CFAP77: variants seen among roughly 807,000 people sequenced by gnomAD.
The protein encoded by CFAP77 is cilia- and flagella-associated protein 77.
In CFAP77, 25 loss-of-function variants were observed where a neutral mutation model predicts 31.1. That is an observed-to-expected ratio of 0.80 (90% confidence interval 0.59 to 1.12). CFAP77 has a LOEUF of 1.12. Ranked by LOEUF, CFAP77 falls within the 50% of genes most tolerant of loss-of-function variation. The pLI is 0.00. For synonymous variants in CFAP77, 151 were observed against 159.9 expected (o/e 0.94, Z 0.42); for missense variants, 377 against 397.3 (o/e 0.95, Z 0.44).
rs200753975 is a variant in CFAP77 at position 132,537,606 on chromosome 9, C to T, written c.530C>T (p.Ser177Phe). ...TCTGGACTTCTTCCCTCCAGGCCTT[C>T]CACACCCTTCTTTGATCTGCTGCAG... is the stretch of plus-strand genomic sequence containing the variant. Reference protein sequence around the residue: ...NMTFGIRARPSTPFFDLLQHR... With the variant: ...NMTFGIRARPFTPFFDLLQHR... Residue 177 changes from serine (S) to phenylalanine (F), a missense_variant, in exon 4 of 6, where the codon TCC becomes TTC. Physicochemically the swap from Ser to Phe is radical, Grantham distance 155. Coordinates refer to ENST00000393216, the MANE Select transcript of CFAP77 (RefSeq NM_001282957.2). 3.6e-5 allele frequency: 58 copies of T among 1,611,540 alleles called. No homozygotes were observed. The highest frequency in any genetic ancestry group is 2.8e-5 in the Non-Finnish European group (33 of 1,178,806).
At chr9:132,548,898 A>C (rs143098954) in intron 5 of CFAP77, among the ~76,000 whole-genome samples, 3 of 152,246 alleles carry the variant, frequency 2.0e-5, no homozygotes, top group Non-Finnish European at 2.9e-5. Context: ...TTTGATTTAC[A>C]AGCTTTTGTG....
chr9:132,455,516 C>CA lies in CFAP77; in HGVS notation c.196-43172dup, dbSNP rs1326787448. Among the ~76,000 whole-genome samples, 8 of 149,454 alleles carry CA rather than the reference C, an allele frequency of 5.4e-5. No individual in the cohort carries two copies. The South Asian group carries it at 1.7e-3, about 32-fold the overall frequency. ...GAGCGAGACTCCTGAAAAAAAAAAA[C>CA]AAAAAAACTTCGAGACCAGCCTGGG... On this transcript the variant is annotated intron_variant, in intron 1 of 5. Transcript: ENST00000393216. This position sits in a 1 kb window ranked among gnomAD's most constrained non-coding sequence, Gnocchi z 4.1.
intron 1 of CFAP77, among the ~76,000 whole-genome samples, chr9:132,435,077 G>GC (rs1434005064): frequency 6.6e-6 from 1 of 152,158 alleles, no homozygotes; most frequent in Non-Finnish European, 1.5e-5. Flanking sequence ...CCTTTCTTCC[G>GC]CCGCCTTGGA....
At chr9:132,518,082 A>G (rs1032139747) in intron 3 of CFAP77, among the ~76,000 whole-genome samples, 6 of 152,114 alleles carry the variant, frequency 3.9e-5, no homozygotes, top group Non-Finnish European at 8.8e-5. Flanking sequence ...AGCTCTTAGC[A>G]GGGGCCCTGT....
chr9:132,438,541 A>ATATATTT, intron 1 of CFAP77, among the ~76,000 whole-genome samples: 4 of 108,126 alleles, frequency 3.7e-5, no homozygotes, highest in East Asian at 2.3e-4. Flanking sequence ...ATATATATAT[A>ATATATTT]TTTTTTTTTT....
At chr9:132,462,826 AT>A (rs796512067) in intron 1 of CFAP77, among the ~76,000 whole-genome samples, 217 of 151,484 alleles carry the variant, frequency 1.4e-3, no homozygotes, top group South Asian at 4.4e-3. Flanking sequence ...CAAAATAAAA[AT>A]AAAATAAAAT....
In CFAP77 at chr9:132,511,378, G is replaced by A. The variant is rs1852036006; in HGVS notation, c.524+11778G>A. On this transcript the variant is annotated intron_variant, in intron 3 of 5. Transcript: ENST00000393216. This position sits in a 1 kb window ranked among gnomAD's most constrained non-coding sequence, Gnocchi z 5.8. ...CTCACCGTCCTTCAGACACTCCTGT[G>A]TCTCTTGCCTGGAGAGGCCACCCTG... Among the ~76,000 whole-genome samples the A allele has an allele frequency of 6.6e-6, 1 of 152,186 alleles. No homozygotes were observed. The highest frequency in any genetic ancestry group is 1.5e-5 in the Non-Finnish European group (1 of 68,034).
At chr9:132,558,565 C>T (rs960933617) in intron 5 of CFAP77, among the ~76,000 whole-genome samples, 3 of 151,696 alleles carry the variant, frequency 2.0e-5, no homozygotes, top group Admixed American at 6.6e-5. Flanking sequence ...ATCAGCCAGG[C>T]GTGGTGGCAG....
At position 132,559,346 on chromosome 9, in the gene CFAP77, C is replaced by CAAAAAAAAAAAAAA. The variant is rs35737685; in HGVS notation, c.733-13035_733-13022dup. Among the ~76,000 whole-genome samples the CAAAAAAAAAAAAAA allele has an allele frequency of 5.2e-4, 29 of 56,084 alleles. 2 individuals carry two copies. Among genetic ancestry groups the CAAAAAAAAAAAAAA allele is most frequent in the African/African-American group, 1.5e-3 (18 of 12,218 alleles). 36.8% of individuals were successfully genotyped at this position (56,084 alleles called of 152,430 possible). On this transcript the variant is annotated intron_variant, in intron 5 of 5. Transcript: ENST00000393216. Reference sequence around the variant, plus strand: ...CGCGTCAGAGTGAGACTCTGTCTTGCAAAAAAAAAAAAAAAAAAAAGGCAA... The same window carrying CAAAAAAAAAAAAAA: ...CGCGTCAGAGTGAGACTCTGTCTTGCAAAAAAAAAAAAAAAAAAAAAAAAAAAAAAAAAAGGCAA...
intron 3 of CFAP77, among the ~76,000 whole-genome samples, chr9:132,519,248 A>T (rs185546175): frequency 1.3e-4 from 15 of 119,544 alleles, no homozygotes; most frequent in Admixed American, 1.2e-3. Context: ...GGATGGATGG[A>T]TAGGTGGATG....
chr9:132,465,792 G>T (rs2131730470), intron 1 of CFAP77, among the ~76,000 whole-genome samples: 1 of 152,308 alleles, frequency 6.6e-6, no homozygotes, highest in East Asian at 1.9e-4. Context: ...GCAATTCTCT[G>T]CTCCTTGTCC....
intron 5 of CFAP77, among the ~76,000 whole-genome samples, chr9:132,562,756 G>A (rs967075716): frequency 5.3e-5 from 8 of 151,838 alleles, no homozygotes; most frequent in African/African-American, 1.9e-4. Flanking sequence ...CTGGAGTGCA[G>A]TGGCACAATC....
intron 5 of CFAP77, among the ~76,000 whole-genome samples, chr9:132,556,658 C>T (rs1370213135): frequency 6.6e-6 from 1 of 152,214 alleles, no homozygotes; most frequent in African/African-American, 2.4e-5. Flanking sequence ...CCTCACCTGG[C>T]CCCGCGGTGC....
chr9:132,501,749 A>G lies in CFAP77; in HGVS notation c.524+2149A>G, dbSNP rs1851848395. On this transcript the variant is annotated intron_variant, in intron 3 of 5. Coordinates refer to ENST00000393216, the MANE Select transcript of CFAP77 (RefSeq NM_001282957.2). The surrounding 1 kb of genome is among the most constrained non-coding windows in gnomAD (Gnocchi z 4.6). ...CCACTGTGGTCAGGGCTGAGACGCC[A>G]GGCCTGGGTCATGTGTCTGCCTCAG... Among the ~76,000 whole-genome samples, 1 of 152,238 alleles carries G rather than the reference A, an allele frequency of 6.6e-6. No homozygotes were observed. The highest frequency in any genetic ancestry group is 1.5e-5 in the Non-Finnish European group (1 of 68,038).
At position 132,565,640 on chromosome 9, in the gene CFAP77, A is replaced by T. The variant is rs2119107615; in HGVS notation, c.733-6748A>T. Among the ~76,000 whole-genome samples, 1 of 152,216 alleles carries T rather than the reference A, an allele frequency of 6.6e-6. No homozygotes were observed. The highest frequency in any genetic ancestry group is 2.4e-5 in the African/African-American group (1 of 41,554). The stretch of plus-strand genomic sequence containing the variant: ...GAATGAAACCCCTTCTTAAAAAAAA[A>T]AAGAAGATAGCTCTTGTCTAAATGT... On this transcript the variant is annotated intron_variant, in intron 5 of 5. Transcript: ENST00000393216. This position sits in a 1 kb window ranked among gnomAD's most constrained non-coding sequence, Gnocchi z 4.1.
At chr9:132,415,512 G>A (rs1321655891) in intron 1 of CFAP77, among the ~76,000 whole-genome samples, 3 of 152,322 alleles carry the variant, frequency 2.0e-5, no homozygotes, top group Admixed American at 6.5e-5. Context: ...GCTTTGAAGC[G>A]TTAATTAAGC....
intron 5 of CFAP77, among the ~76,000 whole-genome samples, chr9:132,557,342 C>G (rs895169386): frequency 1.3e-5 from 2 of 152,178 alleles, no homozygotes; most frequent in African/African-American, 4.8e-5. Flanking sequence ...CCCGGCCTCC[C>G]GGTGGAACCA....
chr9:132,436,248 G>A (rs1300501730), intron 1 of CFAP77, among the ~76,000 whole-genome samples: 1 of 152,118 alleles, frequency 6.6e-6, no homozygotes, highest in Non-Finnish European at 1.5e-5. Context: ...GTGGCTCCAG[G>A]TGTTCTTGAC....
intron 4 of CFAP77, 94 bp downstream of exon 4, chr9:132,537,800 T>C: frequency 1.1e-6 from 1 of 877,108 alleles, no homozygotes; most frequent in South Asian, 1.6e-5. Context: ...CACTTGTGTA[T>C]GTTTGTCATT....
Sources: gnomAD v4.1 joint callset for allele counts (sites outside exome capture counted in the v4.1 genomes callset) on GRCh38, gnomAD v4.1.1 for gene constraint, Gnocchi (gnomAD v3.1) non-coding constraint, MANE v1.5 for transcripts, NCBI Gene and HGNC (gene_info 2026-07-23, HGNC 2026-07-21) for gene names.